The following CATSPER3 variants were observed in gnomAD, a reference collection of about 807,000 sequenced individuals.
CATSPER3 encodes cation channel sperm-associated protein 3.
A neutral mutation model predicts 36.6 loss-of-function variants in CATSPER3; 23 were observed. The observed-to-expected ratio is 0.63, with a 90% CI of 0.45 to 0.89. The LOEUF is 0.89. Among genes scored for constraint, CATSPER3 ranks in the 40% least tolerant of loss-of-function variants. The pLI is 0.00. For missense variants in CATSPER3, 474 were observed against 503.9 expected (o/e 0.94, Z 0.57); for synonymous variants, 172 against 184.1 (o/e 0.93, Z 0.53).
intron 2 of CATSPER3, among the ~76,000 whole-genome samples, chr5:134,978,359 A>C (rs747012516): frequency 6.6e-6 from 1 of 152,186 alleles, no homozygotes; most frequent in Non-Finnish European, 1.5e-5. Flanking sequence ...TATGCTGATT[A>C]CCCTGATTTG....
At chr5:134,998,706 T>C (rs1375113606) in intron 3 of CATSPER3, among the ~76,000 whole-genome samples, 1 of 152,230 alleles carries the variant, frequency 6.6e-6, no homozygotes, top group Non-Finnish European at 1.5e-5. Flanking sequence ...CTGTTGGCTG[T>C]GTAAATGTCT....
chr5:134,996,368 G>A lies in CATSPER3; in HGVS notation c.348G>A (p.Leu116=), dbSNP rs1751945851. The change falls in exon 3 of 8, where the codon CTG becomes CTA. Residue 116 remains leucine (L), a synonymous_variant. Transcript: ENST00000282611. ...ACTACTGGAAGAACGGCTACAACCT[G>A]CTGGATGTGATCATTATCATCGTTA... is the stretch of plus-strand genomic sequence containing the variant. ...PINYWKNGYN[L]LDVIIIIVMF... 6.2e-7 allele frequency: 1 copy of A among 1,614,128 alleles called. No homozygotes were observed. The highest frequency in any genetic ancestry group is 8.5e-7 in the Non-Finnish European group (1 of 1,180,052).
At position 135,010,618 on chromosome 5, in the gene CATSPER3, T is replaced by TGA; in HGVS notation, c.1094+89_1094+90dup. On this transcript the variant is annotated intron_variant, in intron 7 of 7. Coordinates refer to ENST00000282611, the MANE Select transcript of CATSPER3 (RefSeq NM_178019.3). ...TGCCCTGGGAGAGTGAAGGGGGTGA[T>TGA]GACTGAAGTGCTGATGGGCAGTGGG... is the stretch of plus-strand genomic sequence containing the variant. The TGA allele has an allele frequency of 2.6e-6, 3 of 1,155,870 alleles. No homozygotes were observed. In the East Asian group the frequency reaches 7.0e-5, roughly 27 times the overall value. 71.6% of individuals were successfully genotyped at this position (1,155,870 alleles called of 1,614,324 possible).
intron 2 of CATSPER3, 101 bp from the exon 3 acceptor site, chr5:134,996,172 T>C (rs1030094638): frequency 5.5e-6 from 8 of 1,460,272 alleles, no homozygotes; most frequent in Admixed American, 5.0e-5. Context: ...CTCATGTGGG[T>C]GACTTAGGAG....
At chr5:134,968,140 G>T (rs754206132) in intron 1 of CATSPER3, 51 bp downstream of exon 1, 3 of 1,279,710 alleles carry the variant, frequency 2.3e-6, no homozygotes, top group South Asian at 2.4e-5. Flanking sequence ...TAGTAGAAGT[G>T]TGAGGGCAGG....
chr5:134,979,220 T>A (rs1195201711), intron 2 of CATSPER3, among the ~76,000 whole-genome samples: 1 of 152,086 alleles, frequency 6.6e-6, no homozygotes, highest in East Asian at 1.9e-4. Flanking sequence ...CGTTGCAGCC[T>A]CAGCTGCTTG....
rs536741127 is a variant in CATSPER3 at position 134,978,699 on chromosome 5, G to A, written c.252+8607G>A. ...CTTTGTTCACATATATATTTTAAAA[G>A]TTAGGAAAGTTTTGTTATATTTTCT... is the stretch of plus-strand genomic sequence containing the variant. On this transcript the variant is annotated intron_variant, in intron 2 of 7. Coordinates refer to ENST00000282611, the MANE Select transcript of CATSPER3 (RefSeq NM_178019.3). 2.9e-4 allele frequency among the ~76,000 whole-genome samples: 44 copies of A among 151,596 alleles called. No homozygotes were observed. In the Middle Eastern group the frequency reaches 0.01, roughly 35 times the overall value.
intron 3 of CATSPER3, among the ~76,000 whole-genome samples, chr5:135,007,413 G>A (rs970440656): frequency 6.6e-6 from 1 of 152,236 alleles, no homozygotes; most frequent in African/African-American, 2.4e-5. Flanking sequence ...AATGTAGCGG[G>A]GAGATAAGAC....
rs1751581994 is a variant in CATSPER3, at chr5:134,970,022, C to T, written c.182C>T (p.Thr61Ile). 6.2e-7 allele frequency: 1 copy of T among 1,614,064 alleles called. No individual in the cohort carries two copies. The highest frequency in any genetic ancestry group is 8.5e-7 in the Non-Finnish European group (1 of 1,179,954). The change falls in exon 2 of 8, where the codon ACA becomes ATA. Residue 61 changes from threonine (T) to isoleucine (I), a missense_variant. Physicochemically the swap from Thr to Ile is moderately conservative, Grantham distance 89. Transcript: ENST00000282611. ...FFKIIMISTV[T>I]SNAFFMALWT... ...AAGATAATTATGATTAGCACTGTCA[C>T]ATCGAATGCGTTTTTTATGGCCTTG...
chr5:134,997,757 C>A (rs1457504264), intron 3 of CATSPER3, among the ~76,000 whole-genome samples: 1 of 152,166 alleles, frequency 6.6e-6, no homozygotes, highest in Admixed American at 6.5e-5. Context: ...TTTCCAGGAC[C>A]CTCCACCTGC....
chr5:135,008,276 G>A, intron 4 of CATSPER3, 137 bp downstream of exon 4: 1 of 725,858 alleles, frequency 1.4e-6, no homozygotes, highest in Non-Finnish European at 2.4e-6. Context: ...AGGGAAGCTG[G>A]GGTCTGTTCC....
chr5:134,978,688 A>G (rs1021254385), intron 2 of CATSPER3, among the ~76,000 whole-genome samples: 5 of 151,876 alleles, frequency 3.3e-5, no homozygotes, highest in East Asian at 1.9e-4. Flanking sequence ...GTTCACATAT[A>G]TATTTTAAAA....
intron 3 of CATSPER3, among the ~76,000 whole-genome samples, chr5:135,005,383 C>G (rs1007503547): frequency 6.6e-6 from 1 of 152,158 alleles, no homozygotes; most frequent in Non-Finnish European, 1.5e-5. Flanking sequence ...TTAAGCAGGG[C>G]CTTGCATCCT....
chr5:134,993,394 C>T (rs1039619467), intron 2 of CATSPER3, among the ~76,000 whole-genome samples: 4 of 152,044 alleles, frequency 2.6e-5, no homozygotes, highest in Non-Finnish European at 5.9e-5. Context: ...AATAGTTGTA[C>T]AATATTGTGA....
At chr5:134,984,499 A>C (rs952019278) in intron 2 of CATSPER3, among the ~76,000 whole-genome samples, 2 of 152,234 alleles carry the variant, frequency 1.3e-5, no homozygotes, top group Non-Finnish European at 2.9e-5. Context: ...ACAAATGGCC[A>C]ACAAACATTT....
chr5:134,999,801 A>G (rs976986204), intron 3 of CATSPER3, among the ~76,000 whole-genome samples: 1 of 152,098 alleles, frequency 6.6e-6, no homozygotes, highest in African/African-American at 2.4e-5. Context: ...GCTCAAGGAG[A>G]TTTTGGGCTG....
chr5:134,971,953 A>G (rs1751612546), intron 2 of CATSPER3, among the ~76,000 whole-genome samples: 1 of 152,230 alleles, frequency 6.6e-6, no homozygotes, highest in African/African-American at 2.4e-5. Flanking sequence ...TAAAAGCTCA[A>G]GAAAACAAAT....
Position 134,996,442 on chromosome 5 carries a change from A to C in CATSPER3, c.422A>C (p.Tyr141Ser). ...CAGCTCATGGGCAAACAGTTCACTT[A>C]CCTGTATATCGCTGATGGCATGCAG... ...LRQLMGKQFTYLYIADGMQSL... is the reference protein window; with the variant it reads ...LRQLMGKQFTSLYIADGMQSL... Residue 141 changes from tyrosine to serine, a missense_variant, in exon 3 of 8, where the codon TAC becomes TCC. Transcript: ENST00000282611. 1 of 1,614,110 alleles carries C rather than the reference A, an allele frequency of 6.2e-7. No individual in the cohort carries two copies. Among genetic ancestry groups the C allele is most frequent in the East Asian group, 2.2e-5 (1 of 44,876 alleles).
chr5:135,003,600 C>T (rs1752048376), intron 3 of CATSPER3, among the ~76,000 whole-genome samples: 1 of 152,234 alleles, frequency 6.6e-6, no homozygotes, highest in South Asian at 2.1e-4. Context: ...GTGGGCTCCA[C>T]TCAGTTTGAG....
Sources: gnomAD v4.1 joint callset for allele counts (sites outside exome capture counted in the v4.1 genomes callset) on GRCh38, gnomAD v4.1.1 for gene constraint, MANE v1.5 for transcripts, NCBI Gene and HGNC (gene_info 2026-07-23, HGNC 2026-07-21) for gene names.